BFSP1: variants seen among roughly 807,000 people sequenced by gnomAD.
BFSP1 encodes the protein filensin.
BFSP1 carries 38 observed loss-of-function variants against 43.9 expected under a neutral mutation model. The observed-to-expected ratio is 0.87, with a 90% CI of 0.67 to 1.14. The LOEUF (loss-of-function observed/expected upper bound fraction) is 1.14. Among genes scored for constraint, BFSP1 ranks in the 50% most tolerant of loss-of-function variants. The pLI is 0.00. For synonymous variants in BFSP1, 352 were observed against 354.8 expected, an observed-to-expected ratio of 0.99 and a Z score of 0.09; for missense variants, 850 against 875.1, an observed-to-expected ratio of 0.97 and a Z score of 0.36.
chr20:17,552,780 G>A (rs909505643), intron 1 of BFSP1, among the ~76,000 whole-genome samples: 1 of 152,142 alleles, frequency 6.6e-6, no homozygotes, highest in African/African-American at 2.4e-5. Flanking sequence ...TACAAGATGG[G>A]GAAGACTGGA....
rs548075874 is a variant in BFSP1 at position 17,521,116 on chromosome 20, G to A, written c.438+3732C>T. Among the ~76,000 whole-genome samples, 3 of 152,010 alleles carry A rather than the reference G, an allele frequency of 2.0e-5. No homozygotes were observed. In the East Asian group the frequency reaches 5.9e-4, roughly 30 times the overall value. On this transcript the variant is annotated intron_variant, in intron 2 of 7. Transcript: ENST00000377873. ...CAGTAACTTCATACGTATATATTTGGTGACCATGAGATCTAGAAGTTAGCA... is the reference window on the plus strand; with the variant it reads ...CAGTAACTTCATACGTATATATTTGATGACCATGAGATCTAGAAGTTAGCA...
intron 1 of BFSP1, chr20:17,541,141 G>C: frequency 2.0e-6 from 1 of 495,106 alleles, no homozygotes; most frequent in Non-Finnish European, 2.6e-6. Flanking sequence ...AGTGAGCAAT[G>C]ATCATTCCTG....
Position 17,498,905 on chromosome 20 carries a change from C to G in BFSP1, c.871G>C (p.Asp291His), listed in dbSNP as rs766772031. The change falls in exon 6 of 8, where the codon GAC becomes CAC. Residue 291 changes from aspartate to histidine, a missense_variant. Coordinates refer to ENST00000377873, the MANE Select transcript of BFSP1 (RefSeq NM_001195.5). Reference protein sequence around the residue: ...TERVLEKSSYDCRQLAVAQQT... With the variant: ...TERVLEKSSYHCRQLAVAQQT... ...TGGGCGACCGCCAGCTGCCGGCAGTCGTAAGAAGACTTCTCCAGGACCCGC... is the reference window on the plus strand; with the variant it reads ...TGGGCGACCGCCAGCTGCCGGCAGTGGTAAGAAGACTTCTCCAGGACCCGC... 1 of 1,614,148 alleles carries G rather than the reference C, an allele frequency of 6.2e-7. No individual in the cohort carries two copies. Among genetic ancestry groups the G allele is most frequent in the South Asian group, 1.1e-5 (1 of 91,066 alleles).
At chr20:17,496,506 C>T (rs2033635463) in intron 7 of BFSP1, among the ~76,000 whole-genome samples, 1 of 152,118 alleles carries the variant, frequency 6.6e-6, no homozygotes, top group Admixed American at 6.5e-5. Context: ...ATGTTACACG[C>T]GTTGGCACAA....
At chr20:17,496,335 A>G (rs1158231521) in intron 7 of BFSP1, among the ~76,000 whole-genome samples, 1 of 152,112 alleles carries the variant, frequency 6.6e-6, no homozygotes, top group Non-Finnish European at 1.5e-5. Flanking sequence ...TTTCTCCCCA[A>G]ATGCTGCGCT....
At position 17,499,043 on chromosome 20, in the gene BFSP1, G is replaced by A; in HGVS notation, c.736-3C>T. On this transcript the variant is annotated splice_polypyrimidine_tract_variant and splice_region_variant and intron_variant, in intron 5 of 7. Transcript: ENST00000377873. Reference sequence around the variant, plus strand: ...ATAGCTTGTTCCAGAGTTGTTGTCTGTGGGCAAGGACACGCTGTAAGAAAA... The same window carrying A: ...ATAGCTTGTTCCAGAGTTGTTGTCTATGGGCAAGGACACGCTGTAAGAAAA... 2 of 1,613,700 alleles carry A rather than the reference G, an allele frequency of 1.2e-6. No homozygotes were observed. The highest frequency in any genetic ancestry group is 1.7e-4 in the Middle Eastern group (1 of 6,046).
intron 6 of BFSP1, among the ~76,000 whole-genome samples, chr20:17,497,593 C>T (rs987687569): frequency 1.5e-5 from 1 of 64,580 alleles, no homozygotes; most frequent in Non-Finnish European, 2.7e-5. Flanking sequence ...TATATATATA[C>T]GTGTATATAT....
At chr20:17,500,389 A>G (rs1457103484) in intron 5 of BFSP1, among the ~76,000 whole-genome samples, 1 of 152,268 alleles carries the variant, frequency 6.6e-6, no homozygotes. Context: ...TGGTGGTCCC[A>G]TAAGAGTACA....
At chr20:17,568,119 G>T (rs2035143705) in intron 1 of BFSP1, among the ~76,000 whole-genome samples, 1 of 152,096 alleles carries the variant, frequency 6.6e-6, no homozygotes, top group African/African-American at 2.4e-5. Context: ...TTTCGTCTGG[G>T]AGGGGCAGTG....
intron 5 of BFSP1, among the ~76,000 whole-genome samples, chr20:17,503,139 T>C (rs756769432): frequency 2.0e-5 from 3 of 152,186 alleles, no homozygotes; most frequent in Admixed American, 6.5e-5. Context: ...TCCCCACACC[T>C]TTGTCTCCTC....
intron 1 of BFSP1, among the ~76,000 whole-genome samples, chr20:17,537,216 G>A (rs75719690): frequency 1.2e-3 from 176 of 152,284 alleles, no homozygotes; most frequent in African/African-American, 4.0e-3. Context: ...AACTCAAAAG[G>A]TAAGTCAGCC....
chr20:17,534,682 G>C (rs1329502218), upstream of BFSP1, among the ~76,000 whole-genome samples: 1 of 152,182 alleles, frequency 6.6e-6, no homozygotes, highest in Non-Finnish European at 1.5e-5. Flanking sequence ...GAGAAGCTAT[G>C]AAAATGTTCC....
chr20:17,520,210 G>GCGC (rs201615265), intron 2 of BFSP1, among the ~76,000 whole-genome samples: 15 of 133,424 alleles, frequency 1.1e-4, no homozygotes, highest in African/African-American at 4.2e-4. Context: ...GTTTTAACGT[G>GCGC]CCCCCCCACC....
intron 5 of BFSP1, among the ~76,000 whole-genome samples, chr20:17,503,754 C>G (rs1032851465): frequency 1.1e-4 from 16 of 152,226 alleles, no homozygotes; most frequent in African/African-American, 3.6e-4. Context: ...CACACACACT[C>G]TGTCTCCAGG....
intron 1 of BFSP1, among the ~76,000 whole-genome samples, chr20:17,536,399 G>A (rs1161588149): frequency 6.6e-6 from 1 of 152,126 alleles, no homozygotes; most frequent in African/African-American, 2.4e-5. Context: ...AAAAATATAG[G>A]CACATGCCTG....
chr20:17,531,527 A>T (rs1039942305), upstream of BFSP1, among the ~76,000 whole-genome samples: 1 of 152,240 alleles, frequency 6.6e-6, no homozygotes, highest in Non-Finnish European at 1.5e-5. Flanking sequence ...TGTGCGGCGG[A>T]TTAGCGGCCC....
chr20:17,545,113 G>A (rs557043052), intron 1 of BFSP1, among the ~76,000 whole-genome samples: 127 of 152,206 alleles, frequency 8.3e-4, no homozygotes, highest in Non-Finnish European at 1.4e-3. Flanking sequence ...TCCCAGGCGA[G>A]GCTTCAATGG....
chr20:17,557,803 C>G (rs771768522), intron 1 of BFSP1, among the ~76,000 whole-genome samples: 9 of 152,142 alleles, frequency 5.9e-5, no homozygotes, highest in Non-Finnish European at 1.2e-4. Flanking sequence ...TCACGCTGCT[C>G]TGTTAATAAA....
At chr20:17,506,382 T>C (rs1430283322) in intron 5 of BFSP1, among the ~76,000 whole-genome samples, 1 of 152,144 alleles carries the variant, frequency 6.6e-6, no homozygotes, top group African/African-American at 2.4e-5. Context: ...TGGTGACTCA[T>C]CAAGGCAGCA....
Sources: gnomAD v4.1 joint callset for allele counts (sites outside exome capture counted in the v4.1 genomes callset) on GRCh38, gnomAD v4.1.1 for gene constraint, MANE v1.5 for transcripts, NCBI Gene and HGNC (gene_info 2026-07-23, HGNC 2026-07-21) for gene names.